Variants in OCA2 observed in about 807,000 individuals in gnomAD.
OCA2 encodes the protein P protein.
In OCA2, 77 loss-of-function variants were observed where a neutral mutation model predicts 100.2. That is an observed-to-expected ratio of 0.77 (90% CI 0.64 to 0.93). The LOEUF is 0.93. Among genes scored for constraint, OCA2 ranks in the 40% least tolerant of loss-of-function variants. The probability of loss-of-function intolerance (pLI) is 0.00; values close to 1 mark genes in which losing one functional copy is unlikely to be tolerated. For synonymous variants in OCA2, 432 were observed against 439.2 expected, an observed-to-expected ratio of 0.98 and a Z score of 0.21; for missense variants, 1,062 against 1,089.1, an observed-to-expected ratio of 0.98 and a Z score of 0.35.
chr15:27,964,157 A>G (rs1023350451), intron 15 of OCA2, among the ~76,000 whole-genome samples: 5 of 152,248 alleles, frequency 3.3e-5, no homozygotes, highest in African/African-American at 1.2e-4. Flanking sequence ...TGTCCAAATA[A>G]ACATTTAAGA....
chr15:27,825,925 T>G (rs2034703717), intron 23 of OCA2, among the ~76,000 whole-genome samples: 1 of 152,250 alleles, frequency 6.6e-6, no homozygotes, highest in Non-Finnish European at 1.5e-5. Context: ...GTGCAATAGA[T>G]TCTCCTTCTA....
chr15:28,025,777 G>A (rs2042730730), intron 4 of OCA2, among the ~76,000 whole-genome samples: 1 of 152,228 alleles, frequency 6.6e-6, no homozygotes, highest in African/African-American at 2.4e-5. Context: ...AAGGATGCTG[G>A]TACATAGCCC....
At chr15:27,943,191 T>C (rs1029461399) in intron 18 of OCA2, among the ~76,000 whole-genome samples, 6 of 152,082 alleles carry the variant, frequency 3.9e-5, no homozygotes, top group African/African-American at 1.4e-4. Context: ...TTCAAAGAAA[T>C]CTGAAAAACT....
chr15:27,722,910 T>C, the OCA2 span, among the ~76,000 whole-genome samples: 1 of 151,478 alleles, frequency 6.6e-6, no homozygotes. Context: ...GGCGTGATCT[T>C]GACTCTTTGC....
chr15:28,006,726 G>A (rs1595808030), intron 9 of OCA2, among the ~76,000 whole-genome samples: 1 of 152,344 alleles, frequency 6.6e-6, no homozygotes, highest in East Asian at 1.9e-4. Context: ...CCATGAATCA[G>A]CAGTAAGAAG....
chr15:27,961,194 A>G (rs2040401062), intron 15 of OCA2, among the ~76,000 whole-genome samples: 1 of 152,244 alleles, frequency 6.6e-6, no homozygotes, highest in Non-Finnish European at 1.5e-5. Flanking sequence ...AAACATATGA[A>G]AAAAAGCTCA....
At chr15:28,000,415 A>G (rs2041890630) in intron 9 of OCA2, among the ~76,000 whole-genome samples, 1 of 152,204 alleles carries the variant, frequency 6.6e-6, no homozygotes, top group African/African-American at 2.4e-5. Flanking sequence ...ACCACATACA[A>G]AAGAATGAAA....
At chr15:27,879,451 A>C (rs1352640934) in intron 19 of OCA2, among the ~76,000 whole-genome samples, 2 of 152,182 alleles carry the variant, frequency 1.3e-5, no homozygotes, top group Non-Finnish European at 2.9e-5. Flanking sequence ...ACAATCGTTG[A>C]ACTAATTTAG....
chr15:27,971,103 T>C (rs2040771762), intron 14 of OCA2, among the ~76,000 whole-genome samples: 1 of 147,478 alleles, frequency 6.8e-6, no homozygotes, highest in Non-Finnish European at 1.5e-5. Flanking sequence ...CCCGGCATGG[T>C]GAGAACACGG....
intron 2 of OCA2, among the ~76,000 whole-genome samples, chr15:28,054,871 CCTT>C (rs2043639612): frequency 6.6e-6 from 1 of 152,134 alleles, no homozygotes; most frequent in East Asian, 1.9e-4. Context: ...GCAAACATGT[CCTT>C]CTTCACGTGG....
chr15:28,044,539 T>C (rs2043292939), intron 2 of OCA2, among the ~76,000 whole-genome samples: 1 of 152,234 alleles, frequency 6.6e-6, no homozygotes, highest in South Asian at 2.1e-4. Flanking sequence ...CAATTATCCC[T>C]GCCACGTGCT....
At chr15:28,063,753 A>G (rs1269815984) in intron 2 of OCA2, among the ~76,000 whole-genome samples, 1 of 152,168 alleles carries the variant, frequency 6.6e-6, no homozygotes, top group African/African-American at 2.4e-5. Context: ...CACATTGTAT[A>G]TCCTTTAACA....
At chr15:27,873,253 G>C (rs2151507601) in intron 19 of OCA2, among the ~76,000 whole-genome samples, 1 of 152,282 alleles carries the variant, frequency 6.6e-6, no homozygotes. Flanking sequence ...GCCCTGGCCT[G>C]GTGCCACTAG....
intron 2 of OCA2, among the ~76,000 whole-genome samples, chr15:28,058,173 C>T (rs1489781713): frequency 6.6e-6 from 1 of 152,232 alleles, no homozygotes. Flanking sequence ...TGGGGAAATG[C>T]TATCCACATG....
At chr15:28,045,578 A>C (rs2043324088) in intron 2 of OCA2, among the ~76,000 whole-genome samples, 1 of 152,142 alleles carries the variant, frequency 6.6e-6, no homozygotes, top group South Asian at 2.1e-4. Context: ...CCTCTGATGG[A>C]GCTGGAGCTC....
chr15:27,888,617 A>C (rs1362471309), intron 19 of OCA2, among the ~76,000 whole-genome samples: 1 of 152,222 alleles, frequency 6.6e-6, no homozygotes, highest in Admixed American at 6.5e-5. Flanking sequence ...AAAGAACCAA[A>C]TGGAAATGAT....
At chr15:27,881,212 A>C (rs2037000342) in intron 19 of OCA2, among the ~76,000 whole-genome samples, 1 of 152,186 alleles carries the variant, frequency 6.6e-6, no homozygotes, top group Non-Finnish European at 1.5e-5. Flanking sequence ...GACGAAGCCG[A>C]CTTGATCGTG....
chr15:27,745,488 G>A, the OCA2 span, among the ~76,000 whole-genome samples: 4 of 152,184 alleles, frequency 2.6e-5, no homozygotes, highest in East Asian at 1.9e-4. Flanking sequence ...AACCTCTAGC[G>A]GCTAGAAATA....
intron 23 of OCA2, among the ~76,000 whole-genome samples, chr15:27,839,482 A>G (rs966419063): frequency 6.6e-6 from 1 of 152,242 alleles, no homozygotes; most frequent in African/African-American, 2.4e-5. Context: ...AAAGTGATTT[A>G]GAAAGGCTAA....
Sources: gnomAD v4.1 joint callset for allele counts (sites outside exome capture counted in the v4.1 genomes callset) on GRCh38, gnomAD v4.1.1 for gene constraint, MANE v1.5 for transcripts, NCBI Gene and HGNC (gene_info 2026-07-23, HGNC 2026-07-21) for gene names.